Variants in KCNQ1 observed in about 807,000 individuals in gnomAD.
The protein encoded by KCNQ1 is potassium voltage-gated channel subfamily Q member 1.
A neutral mutation model predicts 72.4 loss-of-function variants in KCNQ1; 49 were observed. The ratio of observed to expected loss-of-function variants is 0.68; its 90% CI spans 0.54 to 0.86. The LOEUF (loss-of-function observed/expected upper bound fraction) is 0.86. KCNQ1 is among the 40% of genes least tolerant of loss of function. The probability of loss-of-function intolerance (pLI) is 0.00; values close to 1 mark genes in which losing one functional copy is unlikely to be tolerated. For synonymous variants in KCNQ1, 450 were observed against 412.6 expected, an observed-to-expected ratio of 1.09 and a Z score of -1.10; for missense variants, 790 against 945.1, an observed-to-expected ratio of 0.84 and a Z score of 2.15.
rs1851074870 is a variant in KCNQ1 at position 2,715,331 on chromosome 11, G to A, written c.1514+53250G>A. ...AGACCTGCGGGCTGTGTCATGGAGG[G>A]CCCTTACCCCGGAGGAGCCAGGAAG... On this transcript the variant is annotated intron_variant, in intron 11 of 15. Transcript: ENST00000155840. The surrounding 1 kb of genome is among the most constrained non-coding windows in gnomAD (Gnocchi z 4.9). Among the ~76,000 whole-genome samples, 1 of 152,130 alleles carries A rather than the reference G, an allele frequency of 6.6e-6. No homozygotes were observed. The highest frequency in any genetic ancestry group is 6.5e-5 in the Admixed American group (1 of 15,284).
chr11:2,496,446 A>G lies in KCNQ1; in HGVS notation c.387-31482A>G, dbSNP rs1474845831. On this transcript the variant is annotated intron_variant, in intron 1 of 15. Coordinates refer to ENST00000155840, the MANE Select transcript of KCNQ1 (RefSeq NM_000218.3). The stretch of plus-strand genomic sequence containing the variant: ...AGTGAGACTCCATCTCAGAAAAAAT[A>G]AAAAATAAAAAATAAAATTAAAAAA... 2.7e-5 allele frequency among the ~76,000 whole-genome samples: 4 copies of G among 149,404 alleles called. No homozygotes were observed. In the Middle Eastern group the frequency reaches 0.01, roughly 386 times the overall value.
chr11:2,584,008 C>A (rs890196712), intron 7 of KCNQ1, among the ~76,000 whole-genome samples: 1 of 151,640 alleles, frequency 6.6e-6, no homozygotes, highest in Non-Finnish European at 1.5e-5. Flanking sequence ...GTGTTATGTG[C>A]GTATGTGCAT....
chr11:2,461,483 G>A, intron 1 of KCNQ1: 1 of 1,294,122 alleles, frequency 7.7e-7, no homozygotes, highest in Non-Finnish European at 1.0e-6. Flanking sequence ...GCTGTGAGAG[G>A]CCCGGGAAGG....
rs1847832884 is a variant in KCNQ1 at position 2,826,037 on chromosome 11, T to C, written c.1795-21730T>C. On this transcript the variant is annotated intron_variant, in intron 15 of 15. Coordinates refer to ENST00000155840, the MANE Select transcript of KCNQ1 (RefSeq NM_000218.3). The surrounding 1 kb of genome is among the most constrained non-coding windows in gnomAD (Gnocchi z 4.2). ...CCCGCCATCCTGGAAACGATTTTGT[T>C]GTCTGCAGAGATTATGTGTAACTGC... Among the ~76,000 whole-genome samples, 1 of 152,180 alleles carries C rather than the reference T, an allele frequency of 6.6e-6. No homozygotes were observed. The highest frequency in any genetic ancestry group is 1.5e-5 in the Non-Finnish European group (1 of 68,044).
At chr11:2,701,177 C>T (rs1184133933) in intron 11 of KCNQ1, among the ~76,000 whole-genome samples, 2 of 152,180 alleles carry the variant, frequency 1.3e-5, no homozygotes, top group South Asian at 2.1e-4. Flanking sequence ...TATACGTCTA[C>T]GGGAGAGCCA....
intron 11 of KCNQ1, among the ~76,000 whole-genome samples, chr11:2,702,374 G>T (rs231841): frequency 0.45 from 69,058 of 151,986 alleles, 17,089 homozygotes; most frequent in East Asian, 0.89. Context: ...TTGTTGTTGT[G>T]TTCTCCAAGG....
At chr11:2,812,979 C>T (rs973076545) in intron 15 of KCNQ1, among the ~76,000 whole-genome samples, 1 of 152,258 alleles carries the variant, frequency 6.6e-6, no homozygotes, top group Non-Finnish European at 1.5e-5. Flanking sequence ...TCTGCCCCAG[C>T]CTCCAATCCC....
In KCNQ1 at chr11:2,687,803, G is replaced by GC. The variant is rs1590033078; in HGVS notation, c.1514+25728dup. 1 of 398,686 alleles carries GC rather than the reference G, an allele frequency of 2.5e-6. No individual in the cohort carries two copies. Among genetic ancestry groups the GC allele is most frequent in the Non-Finnish European group, 4.4e-6 (1 of 226,176 alleles). 24.7% of individuals were successfully genotyped at this position (398,686 alleles called of 1,614,324 possible). ...CCACACCCCTAAGCCACCCAGCCTGGCCCCCCTCCTCTGCCCCAACTGGCT... is the reference window on the plus strand; with the variant it reads ...CCACACCCCTAAGCCACCCAGCCTGGCCCCCCCTCCTCTGCCCCAACTGGCT... On this transcript the variant is annotated intron_variant, in intron 11 of 15. Coordinates refer to ENST00000155840, the MANE Select transcript of KCNQ1 (RefSeq NM_000218.3). This position sits in a 1 kb window ranked among gnomAD's most constrained non-coding sequence, Gnocchi z 5.0.
chr11:2,670,960 G>A lies in KCNQ1; in HGVS notation c.1514+8879G>A, dbSNP rs1205624193. The A allele has an allele frequency of 7.5e-6, 3 of 398,488 alleles. No individual in the cohort carries two copies. The highest frequency in any genetic ancestry group is 1.3e-5 in the Non-Finnish European group (3 of 226,082). 24.7% of individuals were successfully genotyped at this position (398,488 alleles called of 1,614,324 possible). Reference sequence around the variant, plus strand: ...GCCCAGCTTCATGCCTTCTTATGGTGCCCCAGAGCCCCTGGCTAGGCATTC... The same window carrying A: ...GCCCAGCTTCATGCCTTCTTATGGTACCCCAGAGCCCCTGGCTAGGCATTC... On this transcript the variant is annotated intron_variant, in intron 11 of 15. Transcript: ENST00000155840. The surrounding 1 kb of genome is among the most constrained non-coding windows in gnomAD (Gnocchi z 4.9).
At chr11:2,694,481 C>G (rs1335581161) in intron 11 of KCNQ1, 1 of 398,476 alleles carries the variant, frequency 2.5e-6, no homozygotes, top group Admixed American at 4.4e-5. Flanking sequence ...TACATCCTGT[C>G]CCAAGCATTA....
chr11:2,807,439 GC>G (rs1158869960), intron 15 of KCNQ1, among the ~76,000 whole-genome samples: 1 of 152,198 alleles, frequency 6.6e-6, no homozygotes, highest in Non-Finnish European at 1.5e-5. Context: ...GCTGCACTGG[GC>G]CTCCTCGCCC....
intron 2 of KCNQ1, among the ~76,000 whole-genome samples, chr11:2,529,395 G>A (rs905017064): frequency 1.3e-4 from 19 of 151,854 alleles, no homozygotes; most frequent in African/African-American, 3.4e-4. Flanking sequence ...ATCCAGCCCC[G>A]GGAAGAAACT....
rs964060166 is a variant in KCNQ1 at position 2,447,806 on chromosome 11, G to C, written c.386+2322G>C. Among the ~76,000 whole-genome samples the C allele has an allele frequency of 2.6e-5, 4 of 152,208 alleles. No individual in the cohort carries two copies. The highest frequency in any genetic ancestry group is 2.1e-4 in the South Asian group (1 of 4,838). Reference sequence around the variant, plus strand: ...AGCCAGGGCCCAGGCATGTGTGCAGGGGGGTTGAGGCAGGAGCCGGTGTTC... The same window carrying C: ...AGCCAGGGCCCAGGCATGTGTGCAGCGGGGTTGAGGCAGGAGCCGGTGTTC... On this transcript the variant is annotated intron_variant, in intron 1 of 15. Coordinates refer to ENST00000155840, the MANE Select transcript of KCNQ1 (RefSeq NM_000218.3). This position sits in a 1 kb window ranked among gnomAD's most constrained non-coding sequence, Gnocchi z 7.6.
intron 11 of KCNQ1, among the ~76,000 whole-genome samples, chr11:2,757,426 C>A (rs1435390945): frequency 1.3e-5 from 2 of 152,100 alleles, no homozygotes; most frequent in Non-Finnish European, 2.9e-5. Context: ...GAAATCAAGA[C>A]CTAAATCAAT....
chr11:2,574,519 G>C (rs2133735926), intron 6 of KCNQ1, among the ~76,000 whole-genome samples: 1 of 152,318 alleles, frequency 6.6e-6, no homozygotes, highest in East Asian at 1.9e-4. Flanking sequence ...CCAGGACCCA[G>C]TCCGTCTGCC....
chr11:2,800,680 G>A (rs1847244555), intron 15 of KCNQ1, among the ~76,000 whole-genome samples: 1 of 152,232 alleles, frequency 6.6e-6, no homozygotes, highest in Non-Finnish European at 1.5e-5. Context: ...GCTTATCATT[G>A]TGTAAATCTG....
intron 11 of KCNQ1, chr11:2,696,970 T>A (rs1850687460): frequency 2.5e-6 from 1 of 394,420 alleles, no homozygotes; most frequent in South Asian, 1.3e-4. Flanking sequence ...AGTTCCTTAA[T>A]TTTTTTTTTC....
chr11:2,801,941 C>T (rs979348545), intron 15 of KCNQ1, among the ~76,000 whole-genome samples: 21 of 152,254 alleles, frequency 1.4e-4, no homozygotes, highest in Non-Finnish European at 2.2e-4. Flanking sequence ...GCTGGAGCCC[C>T]GGGCAGGCCC....
intron 10 of KCNQ1, chr11:2,649,401 T>G (rs373328745): frequency 5.0e-6 from 2 of 398,588 alleles, no homozygotes; most frequent in East Asian, 3.6e-5. Context: ...TGTAGTTTCA[T>G]GATGGTAGAT....
Sources: allele counts gnomAD v4.1 joint callset (sites outside exome capture counted in the v4.1 genomes callset), GRCh38; gene constraint gnomAD v4.1.1; non-coding constraint Gnocchi (gnomAD v3.1); transcripts MANE v1.5; gene names NCBI Gene and HGNC (gene_info 2026-07-23, HGNC 2026-07-21).